The following ICAM1 variants were observed in gnomAD, a reference collection of about 807,000 sequenced individuals.
ICAM1 encodes ICAM-1.
ICAM1 carries 28 observed loss-of-function variants against 42.3 expected under a neutral mutation model. That is an observed-to-expected ratio of 0.66 (90% CI 0.49 to 0.91). The LOEUF is 0.91. ICAM1 is among the 40% of genes least tolerant of loss of function. ICAM1 has a pLI of 0.00. For synonymous variants in ICAM1, 304 were observed against 305.9 expected (o/e 0.99, Z 0.07); for missense variants, 637 against 688.6 (o/e 0.93, Z 0.84).
chr19:10,283,769 A>T lies in ICAM1; in HGVS notation c.620A>T (p.Tyr207Phe), dbSNP rs766744082. ...CTGTTTGAGAACACCTCGGCCCCCT[A>T]CCAGCTCCAGACCTTTGGTGAGGAT... ...LELFENTSAPYQLQTFVLPAT... is the reference protein window; with the variant it reads ...LELFENTSAPFQLQTFVLPAT... The change falls in exon 3 of 7, where the codon TAC (tyrosine) becomes TTC (phenylalanine). Residue 207 changes from tyrosine (Y) to phenylalanine (F), a missense_variant. Tyr to Phe is a conservative substitution (Grantham distance 22). Transcript: ENST00000264832. 6.2e-7 allele frequency: 1 copy of T among 1,606,232 alleles called. No homozygotes were observed. Among genetic ancestry groups the T allele is most frequent in the Non-Finnish European group, 8.5e-7 (1 of 1,176,096 alleles).
Position 10,278,560 on chromosome 19 carries a change from TTTTTTTTTTTTC to T in ICAM1, c.331+3541_331+3552del, listed in dbSNP as rs1232055953. ...CTGCCTGATAGGTCTTTTTTTTTTTTTTTTTTTTTTTCTTTTTTTTGACACACAGTCTTGCTC... is the reference window on the plus strand; with the variant it reads ...CTGCCTGATAGGTCTTTTTTTTTTTTTTTTTTTTGACACACAGTCTTGCTC... On this transcript the variant is annotated intron_variant, in intron 2 of 6. Transcript: ENST00000264832. 1.2e-3 allele frequency among the ~76,000 whole-genome samples: 114 copies of T among 97,614 alleles called. 2 individuals are homozygous for T. The East Asian group carries it at 0.023, about 20-fold the overall frequency. 64.0% of individuals were successfully genotyped at this position (97,614 alleles called of 152,430 possible).
chr19:10,273,329 C>A (rs946479133), intron 1 of ICAM1, among the ~76,000 whole-genome samples: 1 of 151,572 alleles, frequency 6.6e-6, no homozygotes, highest in Non-Finnish European at 1.5e-5. Flanking sequence ...CCCGTCTCTA[C>A]TAAAAGTACA....
intron 2 of ICAM1, among the ~76,000 whole-genome samples, chr19:10,280,590 C>A (rs1053764109): frequency 2.0e-5 from 3 of 151,146 alleles, no homozygotes; most frequent in Non-Finnish European, 2.9e-5. Context: ...TTGTTTGAGA[C>A]CGGAGTTTCG....
At chr19:10,279,429 C>G (rs969359478) in intron 2 of ICAM1, among the ~76,000 whole-genome samples, 2 of 152,096 alleles carry the variant, frequency 1.3e-5, no homozygotes, top group African/African-American at 4.8e-5. Flanking sequence ...GTATTCTCAA[C>G]TACTCTGGAG....
At chr19:10,283,428 G>T in intron 2 of ICAM1, 53 bp from the exon 3 acceptor site, 1 of 1,500,930 alleles carries the variant, frequency 6.7e-7, no homozygotes, top group South Asian at 1.3e-5. Context: ...TCGTCTGTTA[G>T]GCAGGCAGCA....
intron 1 of ICAM1, 74 bp from the exon 2 acceptor site, chr19:10,274,691 G>C: frequency 6.5e-7 from 1 of 1,536,094 alleles, no homozygotes; most frequent in Non-Finnish European, 8.8e-7. Flanking sequence ...CCAGCACCCA[G>C]CACAGGCTGG....
intron 2 of ICAM1, among the ~76,000 whole-genome samples, chr19:10,281,090 G>T (rs1329755847): frequency 6.7e-6 from 1 of 149,952 alleles, no homozygotes; most frequent in Non-Finnish European, 1.5e-5. Context: ...AGCCAGGATG[G>T]TCTTGATCTC....
intron 1 of ICAM1, 25 bp from the exon 2 acceptor site, chr19:10,274,740 T>C: frequency 1.2e-6 from 2 of 1,605,950 alleles, no homozygotes; most frequent in Non-Finnish European, 1.7e-6. Context: ...GTAATGCCTG[T>C]CGCCTCTTCC....
chr19:10,283,237 C>G (rs2040074043), intron 2 of ICAM1: 1 of 435,646 alleles, frequency 2.3e-6, no homozygotes, highest in African/African-American at 2.0e-5. Context: ...CTTTGAAGTT[C>G]TTTTCCACTT....
In ICAM1 at chr19:10,284,513, C is replaced by T. The variant is rs780195275; in HGVS notation, c.1036C>T (p.Pro346Ser). ...AGCCAAGGTGACGCTGAATGGGGTT[C>T]CAGCCCAGCCACTGGGCCCGAGGGC... ...PRAKVTLNGV[P>S]AQPLGPRAQL... The change falls in exon 5 of 7, where the codon CCA (proline) becomes TCA (serine). Residue 346 changes from proline (P) to serine (S), a missense_variant. Coordinates refer to ENST00000264832, the MANE Select transcript of ICAM1 (RefSeq NM_000201.3). This position sits in a 1 kb window ranked among gnomAD's most constrained non-coding sequence, Gnocchi z 5.4. 6.2e-7 allele frequency: 1 copy of T among 1,614,078 alleles called. No individual in the cohort carries two copies. Among genetic ancestry groups the T allele is most frequent in the South Asian group, 1.1e-5 (1 of 91,088 alleles).
chr19:10,278,580 T>TTTTTTTG (rs1568293403), intron 2 of ICAM1, among the ~76,000 whole-genome samples: 3 of 132,022 alleles, frequency 2.3e-5, no homozygotes, highest in Admixed American at 8.4e-5. Flanking sequence ...TTCTTTTTTT[T>TTTTTTTG]GACACACAGT....
chr19:10,274,885 C>T lies in ICAM1; in HGVS notation c.188C>T (p.Pro63Leu), dbSNP rs763975382. 9 of 1,614,080 alleles carry T rather than the reference C, an allele frequency of 5.6e-6. No individual in the cohort carries two copies. The highest frequency in any genetic ancestry group is 2.2e-5 in the South Asian group (2 of 91,094). Residue 63 changes from proline (P) to leucine (L), a missense_variant, in exon 2 of 7, where the codon CCG becomes CTG. By Grantham distance (98) the Pro-to-Leu change is moderately conservative. Transcript: ENST00000264832. ...DQPKLLGIETPLPKKELLLPG... is the reference protein window; with the variant it reads ...DQPKLLGIETLLPKKELLLPG... Reference sequence around the variant, plus strand: ...CCCAAGTTGTTGGGCATAGAGACCCCGTTGCCTAAAAAGGAGTTGCTCCTG... The same window carrying T: ...CCCAAGTTGTTGGGCATAGAGACCCTGTTGCCTAAAAAGGAGTTGCTCCTG...
Position 10,272,658 on chromosome 19 carries a change from A to G in ICAM1, c.67+1432A>G, listed in dbSNP as rs563744186. Among the ~76,000 whole-genome samples, 3 of 135,148 alleles carry G rather than the reference A, an allele frequency of 2.2e-5. No individual in the cohort carries two copies. The Admixed American group carries it at 2.6e-4, about 12-fold the overall frequency. 88.7% of individuals were successfully genotyped at this position (135,148 alleles called of 152,430 possible). ...CGGCTCACTGCAACCTCTGCCTCCC[A>G]GGTTCAAACGATTCTCCTGCCTCAG... On this transcript the variant is annotated intron_variant, in intron 1 of 6. Transcript: ENST00000264832.
At chr19:10,277,651 C>A (rs1414089161) in intron 2 of ICAM1, among the ~76,000 whole-genome samples, 1 of 151,740 alleles carries the variant, frequency 6.6e-6, no homozygotes, top group Non-Finnish European at 1.5e-5. Flanking sequence ...CCACGCCCGG[C>A]TAATTTTTGT....
rs200481313 is a variant in ICAM1 at position 10,274,753 on chromosome 19, C to G, written c.68-12C>G. The stretch of plus-strand genomic sequence containing the variant: ...TTGTAATGCCTGTCGCCTCTTCCCT[C>G]GTTTCTTCTAGGACCTGGCAATGCC... On this transcript the variant is annotated splice_polypyrimidine_tract_variant and intron_variant, in intron 1 of 6. Coordinates refer to ENST00000264832, the MANE Select transcript of ICAM1 (RefSeq NM_000201.3). 6.2e-7 allele frequency: 1 copy of G among 1,608,510 alleles called. No homozygotes were observed. Among genetic ancestry groups the G allele is most frequent in the South Asian group, 1.1e-5 (1 of 90,968 alleles).
At chr19:10,272,483 A>G (rs2039988235) in intron 1 of ICAM1, among the ~76,000 whole-genome samples, 1 of 150,032 alleles carries the variant, frequency 6.7e-6, no homozygotes, top group Admixed American at 6.7e-5. Context: ...GGGCTCAGAC[A>G]TTTTTTCCCA....
rs374718798 is a variant in ICAM1, at chr19:10,274,915, G to A, written c.218G>A (p.Gly73Glu). Residue 73 changes from glycine to glutamate, a missense_variant, in exon 2 of 7, where the codon GGG (glycine) becomes GAG (glutamate). Transcript: ENST00000264832. ...PLPKKELLLP[G>E]NNRKVYELSN... ...CCTAAAAAGGAGTTGCTCCTGCCTG[G>A]GAACAACCGGAAGGTGTATGAACTG... 3.2e-5 allele frequency: 51 copies of A among 1,614,102 alleles called. No homozygotes were observed. Among genetic ancestry groups the A allele is most frequent in the Non-Finnish European group, 4.2e-5 (49 of 1,180,052 alleles).
rs1457956725 is a variant in ICAM1, at chr19:10,284,380, G to A, written c.926-23G>A. 6.2e-7 allele frequency: 1 copy of A among 1,612,092 alleles called. No homozygotes were observed. The highest frequency in any genetic ancestry group is 8.5e-7 in the Non-Finnish European group (1 of 1,179,834). The stretch of plus-strand genomic sequence containing the variant: ...GGGGTGTGACCTGAACCCGGGGCGG[G>A]GCTCACTGTGTGCCTATTCCAGGCT... On this transcript the variant is annotated intron_variant, in intron 4 of 6. Coordinates refer to ENST00000264832, the MANE Select transcript of ICAM1 (RefSeq NM_000201.3). The surrounding 1 kb of genome is among the most constrained non-coding windows in gnomAD (Gnocchi z 5.4).
intron 2 of ICAM1, among the ~76,000 whole-genome samples, chr19:10,275,662 G>A (rs918599074): frequency 6.6e-6 from 1 of 150,482 alleles, no homozygotes; most frequent in Non-Finnish European, 1.5e-5. Context: ...GAGCCCAGGA[G>A]TTTGAGACCA....
Sources: gnomAD v4.1 joint callset for allele counts (sites outside exome capture counted in the v4.1 genomes callset) on GRCh38, gnomAD v4.1.1 for gene constraint, Gnocchi (gnomAD v3.1) non-coding constraint, MANE v1.5 for transcripts, NCBI Gene and HGNC (gene_info 2026-07-23, HGNC 2026-07-21) for gene names.